RBM47: variants seen among roughly 807,000 people sequenced by gnomAD.
RBM47 encodes the protein RNA binding motif protein 47, also known as RNA-binding protein 47.
RBM47 carries 21 observed loss-of-function variants against 47.1 expected under a neutral mutation model. That is an observed-to-expected ratio of 0.45 (90% CI 0.32 to 0.64). RBM47 has a LOEUF of 0.64. Ranked by LOEUF, RBM47 falls within the 30% of genes least tolerant of loss-of-function variation. RBM47 has a pLI of 0.05. For missense variants in RBM47, 708 were observed against 870.9 expected, an observed-to-expected ratio of 0.81 and a Z score of 2.35; for synonymous variants, 375 against 361.7, an observed-to-expected ratio of 1.04 and a Z score of -0.42.
chr4:40,454,718 G>A (rs989337916), intron 3 of RBM47, among the ~76,000 whole-genome samples: 2 of 152,104 alleles, frequency 1.3e-5, no homozygotes, highest in South Asian at 2.1e-4. Context: ...GGCTGGTCTC[G>A]ACCTCCTGAC....
intron 2 of RBM47, among the ~76,000 whole-genome samples, chr4:40,493,771 C>CAAAA (rs369288548): frequency 8.5e-6 from 1 of 118,086 alleles, no homozygotes; most frequent in African/African-American, 3.3e-5. Flanking sequence ...GACCCTGTCT[C>CAAAA]AAAAAAAAAA....
In RBM47 at chr4:40,436,321, C is replaced by T; in HGVS notation, c.1330+120G>A. On this transcript the variant is annotated intron_variant, in intron 5 of 6. Transcript: ENST00000295971. Reference sequence around the variant, plus strand: ...TTTATTTTTGCCTTGTCTCTAGCTGCCTAGGAGAAGAGGAACCCCTGTGCA... The same window carrying T: ...TTTATTTTTGCCTTGTCTCTAGCTGTCTAGGAGAAGAGGAACCCCTGTGCA... 3.2e-6 allele frequency: 3 copies of T among 950,274 alleles called. No individual in the cohort carries two copies. The South Asian group carries it at 4.7e-5, about 15-fold the overall frequency. 58.9% of individuals were successfully genotyped at this position (950,274 alleles called of 1,614,324 possible). A position where few individuals can be genotyped will look rare whatever the true frequency, so the allele number is the denominator to read the frequency against.
intron 2 of RBM47, among the ~76,000 whole-genome samples, chr4:40,531,369 T>C (rs1727371158): frequency 6.6e-6 from 1 of 151,848 alleles, no homozygotes; most frequent in Non-Finnish European, 1.5e-5. Flanking sequence ...GGAGAGTAGC[T>C]GCGAAGGAGC....
At chr4:40,503,026 G>C (rs564592291) in intron 2 of RBM47, among the ~76,000 whole-genome samples, 1 of 150,926 alleles carries the variant, frequency 6.6e-6, no homozygotes, top group Non-Finnish European at 1.5e-5. Flanking sequence ...GAAAACAGTT[G>C]AATTTGTTAA....
At chr4:40,432,523 G>A (rs776185295) in intron 6 of RBM47, 128 bp downstream of exon 6, 124 of 1,468,752 alleles carry the variant, frequency 8.4e-5, no homozygotes, top group Non-Finnish European at 1.1e-4. Context: ...AAAATGCTTT[G>A]TGTCACCCAA....
At chr4:40,505,053 C>G (rs372991827) in intron 2 of RBM47, among the ~76,000 whole-genome samples, 1 of 152,218 alleles carries the variant, frequency 6.6e-6, no homozygotes, top group East Asian at 1.9e-4. Context: ...CAGTTAGGCA[C>G]GGTGGCACAT....
intron 1 of RBM47, among the ~76,000 whole-genome samples, chr4:40,622,152 T>A (rs1053355172): frequency 3.3e-5 from 5 of 152,244 alleles, no homozygotes; most frequent in African/African-American, 1.2e-4. Flanking sequence ...ATGAATGAAG[T>A]AGACATTCTA....
Position 40,425,972 on chromosome 4 carries a change from A to T in RBM47, c.1714T>A (p.Tyr572Asn). Reference sequence around the variant, plus strand: ...GCAGCAGGGAAGGCCTGAGGTATGTAGCCTGCGTATCCTCCATACATGGCG... The same window carrying T: ...GCAGCAGGGAAGGCCTGAGGTATGTTGCCTGCGTATCCTCCATACATGGCG... Reference protein sequence around the residue: ...AAAMYGGYAGYIPQAFPAAAI... With the variant: ...AAAMYGGYAGNIPQAFPAAAI... Residue 572 changes from tyrosine to asparagine, a missense_variant, in exon 7 of 7, where the codon TAC becomes AAC. Tyr to Asn is a moderately radical substitution (Grantham distance 143, BLOSUM62 -2). Transcript: ENST00000295971. 6.2e-7 allele frequency: 1 copy of T among 1,614,198 alleles called. No individual in the cohort carries two copies. Among genetic ancestry groups the T allele is most frequent in the Middle Eastern group, 1.6e-4 (1 of 6,062 alleles).
rs34255711 is a variant in RBM47, at chr4:40,599,739, GA to G, written c.-240+29656del. On this transcript the variant is annotated intron_variant, in intron 1 of 6. Coordinates refer to ENST00000295971, the MANE Select transcript of RBM47 (RefSeq NM_001098634.2). Reference sequence around the variant, plus strand: ...CAGATGAGAATACAGAAATGAATTAGAAAAAAAAAAAAAATCCTCAAGCCAG... The same window carrying G: ...CAGATGAGAATACAGAAATGAATTAGAAAAAAAAAAAAATCCTCAAGCCAG... Among the ~76,000 whole-genome samples the G allele has an allele frequency of 2.4e-3, 337 of 138,582 alleles. 2 individuals are homozygous for G. Among genetic ancestry groups the G allele is most frequent in the African/African-American group, 6.0e-3 (229 of 38,172 alleles). The allele number at this position is 138,582 out of a possible 152,430, so 90.9% of individuals were successfully genotyped here. A position where few individuals can be genotyped will look rare whatever the true frequency, so the allele number is the denominator to read the frequency against.
intron 1 of RBM47, among the ~76,000 whole-genome samples, chr4:40,569,166 T>C (rs1220958624): frequency 6.6e-6 from 1 of 151,854 alleles, no homozygotes; most frequent in Non-Finnish European, 1.5e-5. Flanking sequence ...ACCAGGTGCA[T>C]GAATACAACA....
intron 2 of RBM47, among the ~76,000 whole-genome samples, chr4:40,532,555 C>A (rs1458385379): frequency 6.6e-6 from 1 of 152,046 alleles, no homozygotes; most frequent in Non-Finnish European, 1.5e-5. Context: ...TCATGATCCA[C>A]CCGCCTCAGC....
intron 1 of RBM47, among the ~76,000 whole-genome samples, chr4:40,573,586 T>C (rs1731950401): frequency 2.0e-5 from 3 of 151,438 alleles, no homozygotes. Flanking sequence ...CTACAAAAAA[T>C]ACAAAAATTA....
At chr4:40,540,892 A>T (rs576972389) in intron 2 of RBM47, among the ~76,000 whole-genome samples, 3 of 151,934 alleles carry the variant, frequency 2.0e-5, no homozygotes, top group Non-Finnish European at 2.9e-5. Flanking sequence ...GATATAAATC[A>T]TATATAATAT....
At position 40,433,104 on chromosome 4, in the gene RBM47, G is replaced by A. The variant is rs561944797; in HGVS notation, c.1331-242C>T. Among the ~76,000 whole-genome samples, 162 of 152,158 alleles carry A rather than the reference G, an allele frequency of 1.1e-3. 1 individual carries two copies. The highest frequency in any genetic ancestry group is 3.7e-3 in the African/African-American group (155 of 41,502). On this transcript the variant is annotated intron_variant, in intron 5 of 6. Transcript: ENST00000295971. ...GCCTCCTGAGTAGCTGGGACTACAG[G>A]TACAGGCCACCTTGCCCAGCTTTTT...
intron 1 of RBM47, among the ~76,000 whole-genome samples, chr4:40,607,308 A>T (rs1735851836): frequency 6.6e-6 from 1 of 152,216 alleles, no homozygotes; most frequent in Non-Finnish European, 1.5e-5. Flanking sequence ...AGACAGGCAA[A>T]TCTATAGTCA....
rs531572807 is a variant in RBM47 at position 40,586,820 on chromosome 4, T to C, written c.-239-42314A>G. On this transcript the variant is annotated intron_variant, in intron 1 of 6. Transcript: ENST00000295971. ...TCTGGGGTTTCCTTATAGAAGACAG[T>C]GCACACAGTCACAGTGGGTCAATCC... 2.0e-5 allele frequency among the ~76,000 whole-genome samples: 3 copies of C among 152,036 alleles called. No homozygotes were observed. In the East Asian group the frequency reaches 5.8e-4, roughly 29 times the overall value.
At chr4:40,479,300 C>T (rs1181490638) in intron 2 of RBM47, among the ~76,000 whole-genome samples, 1 of 152,070 alleles carries the variant, frequency 6.6e-6, no homozygotes, top group Non-Finnish European at 1.5e-5. Flanking sequence ...GTGGGCTGTC[C>T]TTTTAAAATT....
At chr4:40,444,496 A>T (rs1714196849) in intron 3 of RBM47, among the ~76,000 whole-genome samples, 1 of 151,788 alleles carries the variant, frequency 6.6e-6, no homozygotes, top group Admixed American at 6.6e-5. Flanking sequence ...GTTGAGACCC[A>T]GACAGTGTGG....
chr4:40,593,185 A>T (rs1734417505), intron 1 of RBM47, among the ~76,000 whole-genome samples: 1 of 148,772 alleles, frequency 6.7e-6, no homozygotes, highest in Non-Finnish European at 1.5e-5. Context: ...TTTTTAGTAG[A>T]GACGGGGTTT....
Sources: gnomAD v4.1 joint callset for allele counts (sites outside exome capture counted in the v4.1 genomes callset) on GRCh38, gnomAD v4.1.1 for gene constraint, MANE v1.5 for transcripts, NCBI Gene and HGNC (gene_info 2026-07-23, HGNC 2026-07-21) for gene names.